Variants in DMGDH observed in about 807,000 individuals in gnomAD.
DMGDH encodes the protein dimethylglycine dehydrogenase, mitochondrial.
A neutral mutation model predicts 95.2 loss-of-function variants in DMGDH; 76 were observed. The observed-to-expected ratio is 0.80, with a 90% CI of 0.66 to 0.97. DMGDH has a LOEUF of 0.97. Ranked by LOEUF, DMGDH falls within the 50% of genes least tolerant of loss-of-function variation. DMGDH has a pLI of 0.00. For missense variants in DMGDH, 987 were observed against 1,055.0 expected, an observed-to-expected ratio of 0.94 and a Z score of 0.89; for synonymous variants, 345 against 377.6, an observed-to-expected ratio of 0.91 and a Z score of 1.00.
Position 79,027,844 on chromosome 5 carries a change from T to TCC in DMGDH, c.2032+588_2032+589insGG, listed in dbSNP as rs201149668. On this transcript the variant is annotated intron_variant, in intron 12 of 15. Coordinates refer to ENST00000255189, the MANE Select transcript of DMGDH (RefSeq NM_013391.3). ...CCAATCCTCTTCCCCACTTTTCTTT[T>TCC]TTTTTTTTTTTTTTGAGATGCAGTT... Among the ~76,000 whole-genome samples the TCC allele has an allele frequency of 3.3e-5, 3 of 89,564 alleles. No individual in the cohort carries two copies. The South Asian group carries it at 1.1e-3, about 32-fold the overall frequency. The allele number at this position is 89,564 out of a possible 152,430, so 58.8% of individuals were successfully genotyped here.
intron 4 of DMGDH, among the ~76,000 whole-genome samples, chr5:79,052,221 G>T (rs573502979): frequency 4.2e-4 from 64 of 152,254 alleles, no homozygotes; most frequent in African/African-American, 1.5e-3. Context: ...CTAGTATTTT[G>T]TTGAGGATTT....
In DMGDH at chr5:79,044,481, C is replaced by CTG; in HGVS notation, c.816_817insCA (p.Val273GlnfsTer10). ...ACTTCAGATATAGTCGATGTAACAA[C>CTG]ATATTGATGTTGAACCGGAATGAGA... On this transcript the variant is annotated frameshift_variant, in exon 6 of 16. Coordinates refer to ENST00000255189, the MANE Select transcript of DMGDH (RefSeq NM_013391.3). LOFTEE classifies it high-confidence loss of function. The CTG allele has an allele frequency of 6.2e-7, 1 of 1,614,134 alleles. No individual in the cohort carries two copies. The highest frequency in any genetic ancestry group is 8.5e-7 in the Non-Finnish European group (1 of 1,180,020).
At chr5:79,005,118 C>A (rs1240347849) in intron 15 of DMGDH, among the ~76,000 whole-genome samples, 155 bp downstream of exon 15, 1 of 152,148 alleles carries the variant, frequency 6.6e-6, no homozygotes, top group African/African-American at 2.4e-5. Flanking sequence ...CAGTCAATTG[C>A]GTTCTGTCTT....
At chr5:79,040,418 A>T (rs1328071451) in intron 7 of DMGDH, among the ~76,000 whole-genome samples, 1 of 152,254 alleles carries the variant, frequency 6.6e-6, no homozygotes, top group Non-Finnish European at 1.5e-5. Flanking sequence ...TGAAAAGACT[A>T]AAGTTGGACA....
At chr5:78,999,228 C>T (rs182952715) in intron 15 of DMGDH, among the ~76,000 whole-genome samples, 5 of 152,344 alleles carry the variant, frequency 3.3e-5, no homozygotes, top group Admixed American at 3.3e-4. Context: ...TAGATGCTAA[C>T]ACATTCATGA....
At chr5:79,054,658 C>T (rs1754969583) in intron 3 of DMGDH, among the ~76,000 whole-genome samples, 1 of 152,078 alleles carries the variant, frequency 6.6e-6, no homozygotes, top group Non-Finnish European at 1.5e-5. Flanking sequence ...TGCAAAATCA[C>T]AGTAGCATGG....
chr5:79,035,943 C>T (rs1320018435), intron 7 of DMGDH, among the ~76,000 whole-genome samples: 1 of 152,160 alleles, frequency 6.6e-6, no homozygotes, highest in African/African-American at 2.4e-5. Flanking sequence ...TTTAAAGTAT[C>T]ATCTTAGGAA....
At chr5:79,004,719 C>T (rs60056184) in intron 15 of DMGDH, among the ~76,000 whole-genome samples, 10,550 of 152,234 alleles carry the variant, frequency 0.069, 391 homozygotes, top group Non-Finnish European at 0.078. Flanking sequence ...TTTTACTGAA[C>T]ACAAATAGAA....
At position 79,044,345 on chromosome 5, in the gene DMGDH, A is replaced by C. The variant is rs1478581268; in HGVS notation, c.953T>G (p.Met318Arg). 1 of 1,613,930 alleles carries C rather than the reference A, an allele frequency of 6.2e-7. No homozygotes were observed. Among genetic ancestry groups the C allele is most frequent in the East Asian group, 2.2e-5 (1 of 44,892 alleles). The change falls in exon 6 of 16, where the codon ATG becomes AGG. Residue 318 changes from methionine (M) to arginine (R), a missense_variant. Transcript: ENST00000255189. ...GGTGACCCAGGAGTCCTGAACTTTCATTTTCTCTTGACTTTCATATGGACC... is the reference window on the plus strand; with the variant it reads ...GGTGACCCAGGAGTCCTGAACTTTCCTTTTCTCTTGACTTTCATATGGACC... ...LFGPYESQEK[M>R]KVQDSWVTNG...
chr5:79,038,315 C>A (rs572322230), intron 7 of DMGDH, among the ~76,000 whole-genome samples: 1 of 152,068 alleles, frequency 6.6e-6, no homozygotes, highest in Non-Finnish European at 1.5e-5. Context: ...AAAACCCCAT[C>A]TCTACTAAAA....
chr5:79,041,914 C>T (rs1361798787), intron 7 of DMGDH, among the ~76,000 whole-genome samples: 3 of 152,128 alleles, frequency 2.0e-5, no homozygotes, highest in Non-Finnish European at 4.4e-5. Flanking sequence ...GCAGGAGAAT[C>T]GCTTGAACCC....
At chr5:79,033,148 C>A in intron 8 of DMGDH, 91 bp downstream of exon 8, 1 of 1,525,300 alleles carries the variant, frequency 6.6e-7, no homozygotes, top group Non-Finnish European at 9.0e-7. Flanking sequence ...TACCGCCATC[C>A]CAGTGAATAG....
intron 14 of DMGDH, chr5:79,020,942 T>C: frequency 1.0e-6 from 1 of 985,416 alleles, no homozygotes; most frequent in Non-Finnish European, 1.2e-6. Flanking sequence ...TATGACTCCA[T>C]CCAAAGGCAG....
chr5:79,051,458 G>T lies in DMGDH; in HGVS notation c.574C>A (p.His192Asn). The T allele has an allele frequency of 6.2e-7, 1 of 1,614,054 alleles. No homozygotes were observed. The highest frequency in any genetic ancestry group is 1.1e-5 in the South Asian group (1 of 91,048). Residue 192 changes from histidine to asparagine, a missense_variant, in exon 5 of 16, where the codon CAC becomes AAC. His to Asn is a moderately conservative substitution (Grantham distance 68, BLOSUM62 1). Coordinates refer to ENST00000255189, the MANE Select transcript of DMGDH (RefSeq NM_013391.3). ...LAGLYNPGDG[H>N]IDPYSLTMAL... ...ATAGTTAGAGAATAAGGATCAATGT[G>T]ACCATCTCCAGGATTATACAATCCA... is the stretch of plus-strand genomic sequence containing the variant.
At chr5:79,032,653 T>G (rs1418963873) in intron 9 of DMGDH, 34 bp downstream of exon 9, 1 of 1,613,854 alleles carries the variant, frequency 6.2e-7, no homozygotes, top group African/African-American at 1.3e-5. Flanking sequence ...CACCCCTCGG[T>G]CAGAACCACA....
chr5:79,044,064 G>C (rs1420184184), intron 6 of DMGDH, among the ~76,000 whole-genome samples: 2 of 152,338 alleles, frequency 1.3e-5, no homozygotes, highest in South Asian at 4.1e-4. Context: ...TTTCAAAGCA[G>C]CTGGAAATGT....
At chr5:79,039,348 C>T (rs1354880628) in intron 7 of DMGDH, among the ~76,000 whole-genome samples, 2 of 152,044 alleles carry the variant, frequency 1.3e-5, no homozygotes, top group African/African-American at 2.4e-5. Flanking sequence ...GAAAATGTGG[C>T]ACATATACAC....
intron 14 of DMGDH, chr5:79,021,671 C>T: frequency 7.6e-7 from 1 of 1,308,844 alleles, no homozygotes; most frequent in Non-Finnish European, 1.0e-6. Flanking sequence ...GGCAAAGCAG[C>T]TATTCTGATC....
chr5:79,055,995 G>A, intron 2 of DMGDH, 87 bp from the exon 3 acceptor site: 2 of 921,590 alleles, frequency 2.2e-6, no homozygotes, highest in Non-Finnish European at 3.4e-6. Context: ...ATAATTTAAT[G>A]CTGGAAAGAA....
Sources: allele counts gnomAD v4.1 joint callset (sites outside exome capture counted in the v4.1 genomes callset), GRCh38; gene constraint gnomAD v4.1.1; transcripts MANE v1.5; gene names NCBI Gene and HGNC (gene_info 2026-07-23, HGNC 2026-07-21).